TRIM4: variants seen among roughly 807,000 people sequenced by gnomAD.
TRIM4 encodes the protein E3 ubiquitin-protein ligase TRIM4.
Under a neutral mutation model 33.7 loss-of-function variants are expected in TRIM4, and 29 were observed. The ratio of observed to expected loss-of-function variants is 0.86; its 90% CI spans 0.64 to 1.17. TRIM4 has a LOEUF of 1.17. TRIM4 is among the 50% of genes most tolerant of loss of function. The pLI is 0.00. For synonymous variants in TRIM4, 224 were observed against 233.0 expected (o/e 0.96, Z 0.35); for missense variants, 554 against 593.7 (o/e 0.93, Z 0.69).
chr7:99,909,489 G>C (rs1819387118), intron 2 of TRIM4, 76 bp downstream of exon 2: 2 of 1,282,516 alleles, frequency 1.6e-6, no homozygotes, highest in South Asian at 2.5e-5. Flanking sequence ...ATGACCAAAA[G>C]GACCTCAGAA....
intron 5 of TRIM4, among the ~76,000 whole-genome samples, chr7:99,900,966 G>A (rs912233007): frequency 1.3e-5 from 2 of 152,056 alleles, no homozygotes; most frequent in Non-Finnish European, 2.9e-5. Context: ...TGGATCTGTG[G>A]ACTTAGTTTT....
intron 1 of TRIM4, among the ~76,000 whole-genome samples, chr7:99,914,106 A>G (rs1237743130): frequency 6.6e-6 from 1 of 152,196 alleles, no homozygotes; most frequent in Non-Finnish European, 1.5e-5. Context: ...TGCCACCGCT[A>G]GTTGAAGCCA....
At chr7:99,912,529 A>G (rs1243262038) in intron 1 of TRIM4, among the ~76,000 whole-genome samples, 1 of 84,258 alleles carries the variant, frequency 1.2e-5, no homozygotes, top group Admixed American at 9.2e-5. Context: ...GACTCTACAT[A>G]TTAAAAAAAA....
rs1819629436 is a variant in TRIM4 at position 99,919,088 on chromosome 7, A to C, written c.314T>G (p.Val105Gly). 1 of 1,545,574 alleles carries C rather than the reference A, an allele frequency of 6.5e-7. No individual in the cohort carries two copies. The highest frequency in any genetic ancestry group is 1.4e-5 in the African/African-American group (1 of 70,874). ...RLFCEDDQRP[V>G]CLVCRESQEH... is the part of the protein sequence containing the mutation. ...CTGGGACTCCCTGCACACCAGGCAC[A>C]CTGGCCGCTGGTCGTCCTCGCAGAA... The change falls in exon 1 of 6, where the codon GTG becomes GGG. Residue 105 changes from valine (V) to glycine (G), a missense_variant. Around this residue, in one of 3 missense-constraint regions of TRIM4, gnomAD observed 233 missense variants for 203.1 expected, o/e 1.15. Coordinates refer to ENST00000349062, the MANE Select transcript of TRIM4 (RefSeq NM_033091.3).
chr7:99,896,395 G>T (rs141894695), intron 5 of TRIM4, among the ~76,000 whole-genome samples: 1 of 152,280 alleles, frequency 6.6e-6, no homozygotes, highest in East Asian at 1.9e-4. Context: ...GAGGATCAAG[G>T]CCCTTTGATT....
rs765132809 is a variant in TRIM4, at chr7:99,892,466, G to A, written c.1122C>T (p.Asp374=). The A allele has an allele frequency of 3.8e-5, 62 of 1,613,870 alleles. No homozygotes were observed. Among genetic ancestry groups the A allele is most frequent in the East Asian group, 3.8e-4 (17 of 44,884 alleles). The change falls in exon 6 of 6, where the codon GAC becomes GAT. Residue 374 remains aspartate, a synonymous_variant. Transcript: ENST00000349062. ...LEVAVGVCRE[D]VMGITDRSKM... Reference sequence around the variant, plus strand: ...TTGAACGATCAGTAATTCCCATGACGTCCTCCCGACACACCCCAACAGCAA... The same window carrying A: ...TTGAACGATCAGTAATTCCCATGACATCCTCCCGACACACCCCAACAGCAA...
intron 1 of TRIM4, among the ~76,000 whole-genome samples, chr7:99,918,522 G>A (rs541193006): frequency 6.6e-6 from 1 of 151,114 alleles, no homozygotes; most frequent in African/African-American, 2.4e-5. Context: ...CCAAGATCAC[G>A]CCACTGTGCT....
In TRIM4 at chr7:99,919,103, T is replaced by C. The variant is rs1584276836; in HGVS notation, c.299A>G (p.Asp100Gly). Residue 100 changes from aspartate to glycine, a missense_variant, in exon 1 of 6, where the codon GAC becomes GGC. By Grantham distance (94) the Asp-to-Gly change is moderately conservative (BLOSUM62 -1). This residue lies in a region of TRIM4 where 233 missense variants were observed against 203.1 expected (regional missense o/e 1.15). Transcript: ENST00000349062. ...HWEPLRLFCE[D>G]DQRPVCLVCR... Reference sequence around the variant, plus strand: ...CACCAGGCACACTGGCCGCTGGTCGTCCTCGCAGAAGAGCCGCAGCGGCTC... The same window carrying C: ...CACCAGGCACACTGGCCGCTGGTCGCCCTCGCAGAAGAGCCGCAGCGGCTC... The C allele has an allele frequency of 1.3e-6, 2 of 1,532,724 alleles. No homozygotes were observed. The highest frequency in any genetic ancestry group is 1.8e-6 in the Non-Finnish European group (2 of 1,140,000). 94.9% of individuals were successfully genotyped at this position (1,532,724 alleles called of 1,614,324 possible).
intron 1 of TRIM4, among the ~76,000 whole-genome samples, chr7:99,914,604 T>C (rs939608860): frequency 2.0e-5 from 3 of 152,138 alleles, no homozygotes; most frequent in African/African-American, 7.2e-5. Flanking sequence ...TCACATCGCA[T>C]GCCACCTTTC....
At chr7:99,903,084 T>C (rs1819212726) in intron 5 of TRIM4, 134 bp downstream of exon 5, 2 of 659,554 alleles carry the variant, frequency 3.0e-6, no homozygotes, top group Non-Finnish European at 5.3e-6. Flanking sequence ...ATGAAGTGTA[T>C]ACCCATTTAT....
Position 99,908,282 on chromosome 7 carries a change from T to C in TRIM4, c.720+300A>G, listed in dbSNP as rs58750403. The C allele has an allele frequency of 8.5e-3, 2,255 of 266,722 alleles. 47 individuals carry two copies. The highest frequency in any genetic ancestry group is 0.044 in the African/African-American group (2,008 of 45,770). The allele number at this position is 266,722 out of a possible 1,614,324, so 16.5% of individuals were successfully genotyped here. ...GCTTTGTTTTATTGTTTAATAATTA[T>C]AAATGTACACATAAGATGAATGAAA... On this transcript the variant is annotated intron_variant, in intron 3 of 5. Transcript: ENST00000349062.
At chr7:99,915,301 C>G (rs1819530683) in intron 1 of TRIM4, among the ~76,000 whole-genome samples, 1 of 152,164 alleles carries the variant, frequency 6.6e-6, no homozygotes, top group Non-Finnish European at 1.5e-5. Context: ...GCATCTGACA[C>G]AAAGCCAGTG....
At chr7:99,916,914 C>A (rs976468226) in intron 1 of TRIM4, 9 of 664,812 alleles carry the variant, frequency 1.4e-5, no homozygotes, top group African/African-American at 1.1e-4. Flanking sequence ...CCTTTTTCTT[C>A]AAGCTCATGG....
rs1221934959 is a variant in TRIM4, at chr7:99,892,376, T to C, written c.1212A>G (p.Ile404Met). ...GCTGGGTGGGAGTTCCAGGGAAGCC[T>C]ATCAAGGGCCAATAGCCAGCAGCAC... ...YWSAAGYWPL[I>M]GFPGTPTQQE... The change falls in exon 6 of 6, where the codon ATA becomes ATG. Residue 404 changes from isoleucine to methionine, a missense_variant. Around this residue, in one of 3 missense-constraint regions of TRIM4, gnomAD observed 290 missense variants for 335.8 expected, o/e 0.86. Coordinates refer to ENST00000349062, the MANE Select transcript of TRIM4 (RefSeq NM_033091.3). 1 of 1,613,886 alleles carries C rather than the reference T, an allele frequency of 6.2e-7. No individual in the cohort carries two copies. Among genetic ancestry groups the C allele is most frequent in the East Asian group, 2.2e-5 (1 of 44,864 alleles).
chr7:99,912,607 T>C (rs1249437558), intron 1 of TRIM4, among the ~76,000 whole-genome samples: 2 of 151,990 alleles, frequency 1.3e-5, no homozygotes, highest in African/African-American at 4.8e-5. Context: ...TTGTTTGCAA[T>C]TGAATTTTAA....
rs1818905618 is a variant in TRIM4, at chr7:99,892,175, A to G, written c.1413T>C (p.Thr471=). Residue 471 remains threonine (T), a synonymous_variant, in exon 6 of 6, where the codon ACT becomes ACC. Coordinates refer to ENST00000349062, the MANE Select transcript of TRIM4 (RefSeq NM_033091.3). ...GGGAAGAAAAGCCTCATTTCCTATCAGTCACTGGTGGAATGACTAAAGATG... is the reference window on the plus strand; with the variant it reads ...GGGAAGAAAAGCCTCATTTCCTATCGGTCACTGGTGGAATGACTAAAGATG... ...PLASLVIPPV[T]DRK The G allele has an allele frequency of 2.5e-6, 4 of 1,606,706 alleles. 1 individual carries two copies. In the Middle Eastern group the frequency reaches 6.6e-4, roughly 267 times the overall value.
chr7:99,909,490 G>C (rs1458299475), intron 2 of TRIM4, 75 bp downstream of exon 2: 10 of 1,288,914 alleles, frequency 7.8e-6, no homozygotes, highest in African/African-American at 1.5e-5. Context: ...TGACCAAAAG[G>C]ACCTCAGAAG....
rs1819503740 is a variant in TRIM4 at position 99,914,229 on chromosome 7, C to T, written c.394-4569G>A. Among the ~76,000 whole-genome samples the T allele has an allele frequency of 2.0e-5, 3 of 152,342 alleles. No homozygotes were observed. The South Asian group carries it at 6.2e-4, about 32-fold the overall frequency. ...CGCAGCCACAGTGGCACGATCATAG[C>T]TCACTGCAGCCTCGAACTCCTGAGT... On this transcript the variant is annotated intron_variant, in intron 1 of 5. Transcript: ENST00000349062.
chr7:99,911,094 A>T (rs898908444), intron 1 of TRIM4, among the ~76,000 whole-genome samples: 4 of 152,348 alleles, frequency 2.6e-5, no homozygotes, highest in Admixed American at 2.6e-4. Context: ...CCTGTGGGAC[A>T]TCCAAGTGGA....
Sources: gnomAD v4.1 joint callset for allele counts (sites outside exome capture counted in the v4.1 genomes callset) on GRCh38, gnomAD v4.1.1 for gene constraint, gnomAD v4.1.1 regional missense constraint, MANE v1.5 for transcripts, NCBI Gene and HGNC (gene_info 2026-07-23, HGNC 2026-07-21) for gene names.